The following PATJ variants were observed in gnomAD, a reference collection of about 807,000 sequenced individuals.
PATJ encodes PATJ crumbs cell polarity complex component, also known as inaD-like protein.
In PATJ, 190 loss-of-function variants were observed where a neutral mutation model predicts 224.9. The observed-to-expected ratio is 0.84, with a 90% CI of 0.75 to 0.95. PATJ has a LOEUF of 0.95. Among genes scored for constraint, PATJ ranks in the 40% least tolerant of loss-of-function variants. The pLI, the probability that PATJ is intolerant of heterozygous loss-of-function variation, is 0.00. For missense variants in PATJ, 2,121 were observed against 2,270.3 expected (o/e 0.93, Z 1.34); for synonymous variants, 769 against 820.3 (o/e 0.94, Z 1.07).
chr1:61,745,214 C>T (rs1364212757), intron 1 of PATJ, among the ~76,000 whole-genome samples: 1 of 152,190 alleles, frequency 6.6e-6, no homozygotes, highest in African/African-American at 2.4e-5. Flanking sequence ...AGGACCCCTT[C>T]TTATGGGGGT....
intron 5 of PATJ, 134 bp downstream of exon 5, chr1:61,769,556 C>A: frequency 1.0e-6 from 1 of 970,040 alleles, no homozygotes; most frequent in Non-Finnish European, 1.5e-6. Context: ...TTTTGCTATG[C>A]ATTTGTCAGG....
At chr1:61,875,961 T>C (rs997579792) in intron 21 of PATJ, among the ~76,000 whole-genome samples, 5 of 152,182 alleles carry the variant, frequency 3.3e-5, no homozygotes, top group African/African-American at 1.2e-4. Context: ...AATGTCATTA[T>C]AAAATTGACA....
Position 62,086,516 on chromosome 1 carries a change from G to A in PATJ, c.4377+1868G>A, listed in dbSNP as rs1660005295. Among the ~76,000 whole-genome samples, 1 of 152,004 alleles carries A rather than the reference G, an allele frequency of 6.6e-6. No homozygotes were observed. The highest frequency in any genetic ancestry group is 1.5e-5 in the Non-Finnish European group (1 of 68,022). ...GTATTTCTTTTGCCCATTTTATTTA[G>A]TAAGCAATAAATTGTACATGCCAGA... On this transcript the variant is annotated intron_variant, in intron 33 of 43. Coordinates refer to ENST00000642238, the MANE Select transcript of PATJ (RefSeq NM_001350145.3). The surrounding 1 kb of genome is among the most constrained non-coding windows in gnomAD (Gnocchi z 4.0).
intron 7 of PATJ, among the ~76,000 whole-genome samples, chr1:61,787,265 G>A (rs1422379712): frequency 6.6e-6 from 1 of 152,186 alleles, no homozygotes; most frequent in Non-Finnish European, 1.5e-5. Context: ...GCCCTATACT[G>A]TCTGACTCCA....
intron 31 of PATJ, among the ~76,000 whole-genome samples, chr1:62,074,319 G>T (rs1657938021): frequency 6.6e-6 from 1 of 151,484 alleles, no homozygotes; most frequent in Non-Finnish European, 1.5e-5. Flanking sequence ...TAACAAACCT[G>T]CACGTTGTGC....
intron 37 of PATJ, among the ~76,000 whole-genome samples, chr1:62,119,593 C>T (rs1429936735): frequency 6.6e-6 from 1 of 152,048 alleles, no homozygotes; most frequent in Non-Finnish European, 1.5e-5. Flanking sequence ...AAAATACTTG[C>T]GAGATCTTTT....
At chr1:61,808,397 A>G in intron 13 of PATJ, 77 bp from the exon 14 acceptor site, 8 of 845,702 alleles carry the variant, frequency 9.5e-6, no homozygotes, top group East Asian at 2.4e-5. Context: ...TATAGGTTTT[A>G]CAGATATTTT....
At chr1:61,887,726 C>G (rs1414430411) in intron 22 of PATJ, among the ~76,000 whole-genome samples, 5 of 152,014 alleles carry the variant, frequency 3.3e-5, no homozygotes, top group African/African-American at 1.2e-4. Context: ...CATGGCAGGT[C>G]TTGGGGTGCG....
rs760279624 is a variant in PATJ, at chr1:61,763,077, G to A, written c.87G>A (p.Thr29=). ...LKMKLQEKGD[T]SQNEKLSMFY... Reference sequence around the variant, plus strand: ...TGAAATTGCAGGAGAAGGGTGACACGTCGCAGAATGAGAAGTTATCTATGT... The same window carrying A: ...TGAAATTGCAGGAGAAGGGTGACACATCGCAGAATGAGAAGTTATCTATGT... Residue 29 remains threonine (T), a synonymous_variant, in exon 3 of 44, where the codon ACG becomes ACA. Transcript: ENST00000642238. 9.9e-6 allele frequency: 16 copies of A among 1,610,968 alleles called. No individual in the cohort carries two copies. The highest frequency in any genetic ancestry group is 5.0e-5 in the Admixed American group (3 of 59,886).
intron 27 of PATJ, among the ~76,000 whole-genome samples, chr1:61,932,267 A>G (rs1676145592): frequency 6.6e-6 from 1 of 151,922 alleles, no homozygotes. Flanking sequence ...TGATGCTGGT[A>G]TTATACTTCC....
chr1:61,978,219 T>TTCTTCCTC (rs1399668717), intron 27 of PATJ, among the ~76,000 whole-genome samples: 2 of 130,956 alleles, frequency 1.5e-5, no homozygotes, highest in African/African-American at 5.6e-5. Flanking sequence ...CTTCCTTCCT[T>TTCTTCCTC]CCTTCCTCCC....
chr1:61,901,393 A>G lies in PATJ; in HGVS notation c.3315A>G (p.Lys1105=). The G allele has an allele frequency of 6.3e-7, 1 of 1,584,872 alleles. No homozygotes were observed. The highest frequency in any genetic ancestry group is 8.5e-7 in the Non-Finnish European group (1 of 1,170,284). Residue 1105 remains lysine (K), a synonymous_variant, in exon 24 of 44, where the codon AAA becomes AAG. Coordinates refer to ENST00000642238, the MANE Select transcript of PATJ (RefSeq NM_001350145.3). ...NGEELKGIFI[K]QVLEDSPAGK... is the part of the protein sequence containing the mutation. Reference sequence around the variant, plus strand: ...AGGAGCTTAAAGGTATATTCATCAAACAAGTTTTAGAAGACAGTCCAGCAG... The same window carrying G: ...AGGAGCTTAAAGGTATATTCATCAAGCAAGTTTTAGAAGACAGTCCAGCAG...
At chr1:61,951,265 ATTG>A (rs1212732068) in intron 27 of PATJ, among the ~76,000 whole-genome samples, 10 of 151,642 alleles carry the variant, frequency 6.6e-5, no homozygotes, top group African/African-American at 2.4e-4. Flanking sequence ...TTGGCTTTTT[ATTG>A]TTTTTTTTAT....
At chr1:61,830,640 G>A (rs979451575) in intron 16 of PATJ, among the ~76,000 whole-genome samples, 1 of 152,024 alleles carries the variant, frequency 6.6e-6, no homozygotes, top group Non-Finnish European at 1.5e-5. Flanking sequence ...GTAGTACAAG[G>A]CTATAGTAAT....
In PATJ at chr1:61,766,347, A is replaced by AC; in HGVS notation, c.258_259insC (p.Asp87ArgfsTer6). On this transcript the variant is annotated frameshift_variant, in exon 4 of 44. Coordinates refer to ENST00000642238, the MANE Select transcript of PATJ (RefSeq NM_001350145.3). LOFTEE classifies it high-confidence loss of function. ...CTAGGAAAGGTTTGTTAGTGTTCAC[A>AC]GATGGTTCCATCACTAATGGAAATG... The AC allele has an allele frequency of 6.2e-7, 1 of 1,611,830 alleles. No homozygotes were observed. Among genetic ancestry groups the AC allele is most frequent in the Non-Finnish European group, 8.5e-7 (1 of 1,178,446 alleles).
chr1:61,867,556 AT>A (rs1665617095), intron 20 of PATJ, among the ~76,000 whole-genome samples: 1 of 123,578 alleles, frequency 8.1e-6, no homozygotes, highest in Non-Finnish European at 1.7e-5. Context: ...ACTTATTCAT[AT>A]TTTAAAATCT....
intron 43 of PATJ, among the ~76,000 whole-genome samples, chr1:62,157,916 AAG>A (rs1669413358): frequency 6.7e-6 from 1 of 148,698 alleles, no homozygotes; most frequent in African/African-American, 2.4e-5. Context: ...CTAAGCCAAT[AAG>A]AGATTGACCT....
At chr1:62,017,830 A>C (rs1264307313) in intron 28 of PATJ, 26 bp from the exon 29 acceptor site, 1 of 1,181,840 alleles carries the variant, frequency 8.5e-7, no homozygotes, top group African/African-American at 1.5e-5. Flanking sequence ...TGTATAATTT[A>C]GTACATTGTG....
chr1:62,094,912 G>T (rs987105689), intron 33 of PATJ, among the ~76,000 whole-genome samples: 1 of 152,168 alleles, frequency 6.6e-6, no homozygotes, highest in African/African-American at 2.4e-5. Flanking sequence ...GAAAATCTGT[G>T]CAGTAAACTA....
Sources: gnomAD v4.1 joint callset for allele counts (sites outside exome capture counted in the v4.1 genomes callset) on GRCh38, gnomAD v4.1.1 for gene constraint, Gnocchi (gnomAD v3.1) non-coding constraint, MANE v1.5 for transcripts, NCBI Gene and HGNC (gene_info 2026-07-23, HGNC 2026-07-21) for gene names.